The following PCDH7 variants were observed in gnomAD, a reference collection of about 807,000 sequenced individuals.
PCDH7 encodes protocadherin-7.
PCDH7 carries 17 observed loss-of-function variants against 58.9 expected under a neutral mutation model. The ratio of observed to expected loss-of-function variants is 0.29; its 90% CI spans 0.20 to 0.43. The LOEUF is 0.43. PCDH7 is among the 20% of genes least tolerant of loss of function. The pLI is 1.00. For missense variants in PCDH7, 1,274 were observed against 1,441.0 expected, an observed-to-expected ratio of 0.88 and a Z score of 1.88; for synonymous variants, 664 against 616.4, an observed-to-expected ratio of 1.08 and a Z score of -1.14.
intron 1 of PCDH7, among the ~76,000 whole-genome samples, chr4:30,811,369 G>A (rs1326187465): frequency 1.3e-5 from 2 of 152,124 alleles, no homozygotes; most frequent in Admixed American, 1.3e-4. Context: ...AGTAAGTTTA[G>A]GGACGCCAAA....
chr4:30,917,396 A>C (rs1203585339), intron 1 of PCDH7, among the ~76,000 whole-genome samples: 1 of 152,170 alleles, frequency 6.6e-6, no homozygotes. Flanking sequence ...AGAGCTAGTG[A>C]TATAATGCTG....
chr4:30,809,254 A>G lies in PCDH7; in HGVS notation c.70+84658A>G, dbSNP rs1296026829. Among the ~76,000 whole-genome samples the G allele has an allele frequency of 2.0e-5, 3 of 152,336 alleles. No homozygotes were observed. In the East Asian group the frequency reaches 5.8e-4, roughly 29 times the overall value. Reference sequence around the variant, plus strand: ...ACTCATAATCAATCATCTGGATAGCATTATCAAATCGTCTTTCCCCTTCCC... The same window carrying G: ...ACTCATAATCAATCATCTGGATAGCGTTATCAAATCGTCTTTCCCCTTCCC... On this transcript the variant is annotated intron_variant, in intron 1 of 3. Coordinates refer to the PCDH7 transcript ENST00000509759.
intron 3 of PCDH7, among the ~76,000 whole-genome samples, chr4:31,021,368 A>G (rs867308781): frequency 7.9e-5 from 12 of 152,166 alleles, no homozygotes; most frequent in African/African-American, 2.7e-4. Flanking sequence ...CAGACCTTCT[A>G]TGGAGGAATT....
chr4:31,035,070 G>T (rs533735238), intron 3 of PCDH7, among the ~76,000 whole-genome samples: 1 of 152,246 alleles, frequency 6.6e-6, no homozygotes, highest in East Asian at 1.9e-4. Context: ...AAGAAAATTA[G>T]AATTCAGGTC....
At chr4:31,004,672 C>A (rs908968589) in intron 3 of PCDH7, among the ~76,000 whole-genome samples, 3 of 152,180 alleles carry the variant, frequency 2.0e-5, no homozygotes, top group Admixed American at 1.3e-4. Context: ...GGCAACAGAG[C>A]GAAACTCTCA....
At chr4:30,818,738 A>G (rs147840951) in intron 1 of PCDH7, among the ~76,000 whole-genome samples, 76 of 152,276 alleles carry the variant, frequency 5.0e-4, no homozygotes, top group Non-Finnish European at 7.9e-4. Flanking sequence ...TGAAGGGATG[A>G]TATGACCAAT....
At chr4:30,739,448 T>TATATATATATAAAATATATA (rs1716786566) in intron 1 of PCDH7, among the ~76,000 whole-genome samples, 1 of 148,234 alleles carries the variant, frequency 6.7e-6, no homozygotes, top group African/African-American at 2.6e-5. Flanking sequence ...TATATATTTT[T>TATATATATATAAAATATATA]TAAATTGCAT....
intron 1 of PCDH7, among the ~76,000 whole-genome samples, chr4:30,763,525 C>T (rs1720314291): frequency 6.6e-6 from 1 of 152,186 alleles, no homozygotes; most frequent in South Asian, 2.1e-4. Flanking sequence ...CATTGAGGTA[C>T]ATTCATTACA....
intron 3 of PCDH7, among the ~76,000 whole-genome samples, chr4:30,961,933 T>A (rs10019992): frequency 0.61 from 93,455 of 152,018 alleles, 30,008 homozygotes; most frequent in African/African-American, 0.81. Flanking sequence ...ACTTCCAAGC[T>A]TTTAATTTTA....
intron 3 of PCDH7, among the ~76,000 whole-genome samples, chr4:31,068,497 A>G (rs1439904652): frequency 6.6e-6 from 1 of 152,036 alleles, no homozygotes; most frequent in African/African-American, 2.4e-5. Flanking sequence ...ACCACATTTC[A>G]GCACAAAGAA....
chr4:30,906,619 A>G (rs1245676589), intron 1 of PCDH7, among the ~76,000 whole-genome samples: 1 of 152,244 alleles, frequency 6.6e-6, no homozygotes, highest in Non-Finnish European at 1.5e-5. Flanking sequence ...AAATGTTGAA[A>G]CAATGAGATA....
rs969489991 is a variant in PCDH7 at position 31,132,349 on chromosome 4, C to T, written c.*8-10124C>T. On this transcript the variant is annotated intron_variant, in intron 3 of 3. Coordinates refer to the PCDH7 transcript ENST00000509759. ...GATAGCAAAGATAAAATGAGCGCTT[C>T]CTTCAAGATTACAACCCAAAGGTGA... Among the ~76,000 whole-genome samples the T allele has an allele frequency of 3.3e-5, 5 of 152,104 alleles. No homozygotes were observed. In the East Asian group the frequency reaches 7.7e-4, roughly 23 times the overall value.
intron 1 of PCDH7, among the ~76,000 whole-genome samples, chr4:30,836,618 T>G (rs985128631): frequency 1.3e-5 from 2 of 152,154 alleles, no homozygotes; most frequent in Non-Finnish European, 2.9e-5. Flanking sequence ...ATTTCTCTCC[T>G]GAAAGTTTTA....
Position 31,038,136 on chromosome 4 carries a change from AG to A in PCDH7, c.*7+87922del, listed in dbSNP as rs201784225. ...GAAAATAAATTGCACAATATGGAAA[AG>A]ACAGGTATTCTCAAGGGTTTAGCCA... On this transcript the variant is annotated intron_variant, in intron 3 of 3. Transcript: ENST00000509759. Among the ~76,000 whole-genome samples the A allele has an allele frequency of 5.9e-3, 901 of 152,346 alleles. 6 individuals carry two copies. Among genetic ancestry groups the A allele is most frequent in the African/African-American group, 0.021 (875 of 41,578 alleles).
chr4:31,022,754 G>C (rs993567681), intron 3 of PCDH7, among the ~76,000 whole-genome samples: 2 of 152,078 alleles, frequency 1.3e-5, no homozygotes, highest in African/African-American at 4.8e-5. Flanking sequence ...TTATGAGTAG[G>C]CTACCTGGTT....
At chr4:31,106,080 A>T (rs961419728) in intron 3 of PCDH7, among the ~76,000 whole-genome samples, 2 of 151,800 alleles carry the variant, frequency 1.3e-5, no homozygotes, top group African/African-American at 2.4e-5. Flanking sequence ...ATGTAACAGG[A>T]GTATTGTATT....
At chr4:30,749,687 G>C (rs1445326681) in intron 1 of PCDH7, among the ~76,000 whole-genome samples, 1 of 152,152 alleles carries the variant, frequency 6.6e-6, no homozygotes, top group Non-Finnish European at 1.5e-5. Context: ...TATGCCCAGA[G>C]AACTCCACTA....
At chr4:30,824,079 T>TTTTCTTTCTTTCTTTCTTTC (rs199892825) in intron 1 of PCDH7, among the ~76,000 whole-genome samples, 2 of 91,490 alleles carry the variant, frequency 2.2e-5, no homozygotes, top group Admixed American at 1.2e-4. Context: ...GCGGGGTTTC[T>TTTTCTTTCTTTCTTTCTTTC]TTTCTTTCTT....
intron 3 of PCDH7, chr4:30,950,228 T>G (rs1317412327): frequency 6.6e-6 from 1 of 152,616 alleles, no homozygotes; most frequent in Non-Finnish European, 1.5e-5. Context: ...ATGGTGGTTC[T>G]CATGAAACAG....
Sources: allele counts gnomAD v4.1 joint callset (sites outside exome capture counted in the v4.1 genomes callset), GRCh38; gene constraint gnomAD v4.1.1; transcripts MANE v1.5; gene names NCBI Gene and HGNC (gene_info 2026-07-23, HGNC 2026-07-21).